Variants in GRAMD1B observed in about 807,000 individuals in gnomAD.
GRAMD1B encodes protein Aster-B.
In GRAMD1B, 37 loss-of-function variants were observed where a neutral mutation model predicts 99.7. The observed-to-expected ratio is 0.37, with a 90% CI of 0.29 to 0.49. The LOEUF is 0.49. Ranked by LOEUF, GRAMD1B falls within the 20% of genes least tolerant of loss-of-function variation. The pLI is 0.98. For missense variants in GRAMD1B, 888 were observed against 1,009.2 expected (o/e 0.88, Z 1.63); for synonymous variants, 427 against 387.6 (o/e 1.10, Z -1.19).
intron 2 of GRAMD1B, among the ~76,000 whole-genome samples, chr11:123,550,068 G>A (rs1048795271): frequency 2.0e-5 from 3 of 152,164 alleles, no homozygotes; most frequent in Non-Finnish European, 4.4e-5. Flanking sequence ...CCTGGAGTCC[G>A]TACCTCCGTG....
intron 1 of GRAMD1B, among the ~76,000 whole-genome samples, chr11:123,406,374 C>T (rs1261671962): frequency 1.3e-5 from 2 of 152,180 alleles, no homozygotes; most frequent in African/African-American, 4.8e-5. Flanking sequence ...CCGCCTCAGC[C>T]TCCCGAGTAG....
At chr11:123,395,737 T>G (rs1002011391) in intron 1 of GRAMD1B, among the ~76,000 whole-genome samples, 1 of 152,198 alleles carries the variant, frequency 6.6e-6, no homozygotes, top group Admixed American at 6.5e-5. Flanking sequence ...CAGTATTTTT[T>G]AAAGCTCTTC....
rs182731823 is a variant in GRAMD1B, at chr11:123,627,204, A to G, written c.*4609A>G. On this transcript the variant is annotated 3_prime_UTR_variant, in exon 20 of 20. Coordinates refer to ENST00000635736, the MANE Select transcript of GRAMD1B (RefSeq NM_001387025.1). ...CTTGCTTCTCTCAATACAATAAGAC[A>G]TTGCAGAAGCAAAAGGGTGGCCTCT... is the stretch of plus-strand genomic sequence containing the variant. 5 of 152,346 alleles carry G rather than the reference A, an allele frequency of 3.3e-5. No homozygotes were observed. The highest frequency in any genetic ancestry group is 1.2e-4 in the African/African-American group (5 of 41,576). 9.4% of individuals were successfully genotyped at this position (152,346 alleles called of 1,614,324 possible). A position where few individuals can be genotyped will look rare whatever the true frequency, so the allele number is the denominator to read the frequency against.
At chr11:123,497,497 C>T (rs1238467208) in intron 2 of GRAMD1B, among the ~76,000 whole-genome samples, 2 of 152,186 alleles carry the variant, frequency 1.3e-5, no homozygotes, top group African/African-American at 4.8e-5. Flanking sequence ...TATGGCCCTC[C>T]CTTCAGGGCA....
At chr11:123,385,697 G>A (rs1947031558) in intron 1 of GRAMD1B, among the ~76,000 whole-genome samples, 1 of 152,078 alleles carries the variant, frequency 6.6e-6, no homozygotes, top group Non-Finnish European at 1.5e-5. Flanking sequence ...CTCCCCCTTA[G>A]TATTGCAAAG....
At chr11:123,608,854 C>T (rs761030219) in intron 12 of GRAMD1B, 52 bp downstream of exon 12, 90 of 1,181,958 alleles carry the variant, frequency 7.6e-5, no homozygotes, top group Non-Finnish European at 1.0e-4. Context: ...ATCCTCACTT[C>T]TTCCCTCTCT....
intron 1 of GRAMD1B, among the ~76,000 whole-genome samples, chr11:123,388,582 G>T (rs2135836014): frequency 6.6e-6 from 1 of 152,230 alleles, no homozygotes; most frequent in African/African-American, 2.4e-5. Context: ...GCTGAGGTGG[G>T]AGGATCACTT....
At chr11:123,423,552 C>T (rs1948535484) in intron 1 of GRAMD1B, among the ~76,000 whole-genome samples, 1 of 152,182 alleles carries the variant, frequency 6.6e-6, no homozygotes. Flanking sequence ...CATTCCCTAA[C>T]TACTCTTCAA....
intron 1 of GRAMD1B, among the ~76,000 whole-genome samples, chr11:123,446,463 G>A (rs1949650293): frequency 6.6e-6 from 1 of 152,136 alleles, no homozygotes; most frequent in Non-Finnish European, 1.5e-5. Context: ...ACCACGCCCA[G>A]CCCTCTGCAG....
intron 1 of GRAMD1B, among the ~76,000 whole-genome samples, chr11:123,445,232 G>A (rs977911974): frequency 6.6e-6 from 1 of 152,182 alleles, no homozygotes; most frequent in African/African-American, 2.4e-5. Context: ...TAACCTTGTC[G>A]TGTTCTTTTG....
chr11:123,452,430 G>A (rs1439158714), intron 1 of GRAMD1B, among the ~76,000 whole-genome samples: 3 of 152,160 alleles, frequency 2.0e-5, no homozygotes, highest in Admixed American at 2.0e-4. Flanking sequence ...TGGATCGCCT[G>A]AGGTCAGGAG....
chr11:123,505,266 A>T (rs1353136952), intron 2 of GRAMD1B, among the ~76,000 whole-genome samples: 1 of 151,990 alleles, frequency 6.6e-6, no homozygotes, highest in Non-Finnish European at 1.5e-5. Context: ...TCCTGGCCTC[A>T]AGTGACTCTT....
chr11:123,496,888 A>T (rs535371512), intron 2 of GRAMD1B, among the ~76,000 whole-genome samples: 3 of 152,084 alleles, frequency 2.0e-5, no homozygotes, highest in African/African-American at 7.2e-5. Context: ...GAATTTCTTC[A>T]AAACAGCTAT....
chr11:123,608,702 C>T lies in GRAMD1B; in HGVS notation c.1557C>T (p.Tyr519=), dbSNP rs765512259. ...AFYEDLSGRQ[Y]VNEVFNFSVD... is the part of the protein sequence containing the mutation. ...ATGAGGACCTGAGTGGCCGGCAGTA[C>T]GTGAATGAAGTCTTCAACTTCAGCG... The change falls in exon 12 of 20, where the codon TAC becomes TAT. Residue 519 remains tyrosine, a synonymous_variant. Transcript: ENST00000635736. 5.6e-5 allele frequency: 88 copies of T among 1,564,938 alleles called. No individual in the cohort carries two copies. Among genetic ancestry groups the T allele is most frequent in the Middle Eastern group, 1.7e-4 (1 of 6,032 alleles).
rs935157871 is a variant in GRAMD1B at position 123,624,080 on chromosome 11, A to G, written c.*1485A>G. 1.3e-5 allele frequency: 2 copies of G among 152,228 alleles called. No homozygotes were observed. Among genetic ancestry groups the G allele is most frequent in the Non-Finnish European group, 2.9e-5 (2 of 68,044 alleles). 9.4% of individuals were successfully genotyped at this position (152,228 alleles called of 1,614,324 possible). On this transcript the variant is annotated 3_prime_UTR_variant, in exon 20 of 20. Transcript: ENST00000635736. ...ACTACTGTTTCTTCATGTAATGACCAAAAGAGTCCCACCAGCTCCAGGCAG... is the reference window on the plus strand; with the variant it reads ...ACTACTGTTTCTTCATGTAATGACCGAAAGAGTCCCACCAGCTCCAGGCAG...
intron 2 of GRAMD1B, among the ~76,000 whole-genome samples, chr11:123,549,742 G>C (rs999679525): frequency 2.6e-5 from 4 of 152,116 alleles, no homozygotes; most frequent in African/African-American, 9.7e-5. Flanking sequence ...CTTAAAGAGT[G>C]GGTTTTGGAT....
intron 8 of GRAMD1B, among the ~76,000 whole-genome samples, chr11:123,601,980 C>G (rs1952042691): frequency 6.6e-6 from 1 of 152,202 alleles, no homozygotes; most frequent in African/African-American, 2.4e-5. Flanking sequence ...AAGGGTGGAG[C>G]AGGGCAGTAT....
chr11:123,364,737 T>C lies in GRAMD1B; in HGVS notation c.-176+5938T>C, dbSNP rs906264763. Among the ~76,000 whole-genome samples the C allele has an allele frequency of 3.3e-5, 5 of 152,324 alleles. No homozygotes were observed. In the East Asian group the frequency reaches 9.7e-4, roughly 29 times the overall value. Reference sequence around the variant, plus strand: ...GCTCCAGAGTTGAAATGTTTCTCAGTGGCAGCCCTACAAGCTGAACGTGAC... The same window carrying C: ...GCTCCAGAGTTGAAATGTTTCTCAGCGGCAGCCCTACAAGCTGAACGTGAC... On this transcript the variant is annotated intron_variant, in intron 1 of 20. Coordinates refer to the GRAMD1B transcript ENST00000638157.
chr11:123,460,724 G>A (rs1446100269), intron 1 of GRAMD1B, among the ~76,000 whole-genome samples: 1 of 152,238 alleles, frequency 6.6e-6, no homozygotes, highest in Non-Finnish European at 1.5e-5. Context: ...GTGGGGCAGG[G>A]AAGGGGAGGC....
Sources: allele counts gnomAD v4.1 joint callset (sites outside exome capture counted in the v4.1 genomes callset), GRCh38; gene constraint gnomAD v4.1.1; transcripts MANE v1.5; gene names NCBI Gene and HGNC (gene_info 2026-07-23, HGNC 2026-07-21).